SH3TC2: variants seen among roughly 807,000 people sequenced by gnomAD.
SH3TC2 encodes the protein SH3 domain and tetratricopeptide repeats 2.
A neutral mutation model predicts 124.5 loss-of-function variants in SH3TC2; 87 were observed. The ratio of observed to expected loss-of-function variants is 0.70; its 90% CI spans 0.59 to 0.84. The LOEUF (loss-of-function observed/expected upper bound fraction) is 0.84. Ranked by LOEUF, SH3TC2 falls within the 40% of genes least tolerant of loss-of-function variation. SH3TC2 has a pLI of 0.00. For missense variants in SH3TC2, 1,536 were observed against 1,566.4 expected (o/e 0.98, Z 0.33); for synonymous variants, 634 against 628.5 (o/e 1.01, Z -0.13).
Position 149,044,595 on chromosome 5 carries a change from T to C in SH3TC2, c.323A>G (p.Gln108Arg), listed in dbSNP as rs756857216. Residue 108 changes from glutamine (Q) to arginine (R), a missense_variant, in exon 4 of 17, where the codon CAG (glutamine) becomes CGG (arginine). Transcript: ENST00000515425. ...CATGGTCTTGAAGGTGATGAGAAAC[T>C]GGGCCCTCTGAGACTGGATACTGAC... ...RLVSIQSQRA[Q>R]FLITFKTMEE... 8.7e-6 allele frequency: 14 copies of C among 1,613,968 alleles called. No individual in the cohort carries two copies. In the Admixed American group the frequency reaches 2.2e-4, roughly 25 times the overall value.
At chr5:149,030,189 G>A (rs779705145) in intron 9 of SH3TC2, among the ~76,000 whole-genome samples, 8 of 152,168 alleles carry the variant, frequency 5.3e-5, no homozygotes, top group African/African-American at 2.4e-5. Context: ...TGAGTGATGC[G>A]CAAGTTACAA....
At chr5:149,062,313 G>C (rs776489843) in intron 1 of SH3TC2, 2 of 528,460 alleles carry the variant, frequency 3.8e-6, no homozygotes, top group Non-Finnish European at 7.8e-6. Context: ...AAGCAAGAAG[G>C]TTGCTTCAGG....
Position 149,027,072 on chromosome 5 carries a change from A to G in SH3TC2, c.2660T>C (p.Leu887Pro). ...VAMANLGHLS[L>P]KSWAQHPARN... Reference sequence around the variant, plus strand: ...GGCTGGATGCTGAGCCCAGGACTTAAGGCTCAGGTGGCCAAGATTGGCCAT... The same window carrying G: ...GGCTGGATGCTGAGCCCAGGACTTAGGGCTCAGGTGGCCAAGATTGGCCAT... Residue 887 changes from leucine to proline, a missense_variant, in exon 11 of 17, where the codon CTT (leucine) becomes CCT (proline). Coordinates refer to ENST00000515425, the MANE Select transcript of SH3TC2 (RefSeq NM_024577.4). The G allele has an allele frequency of 6.2e-7, 1 of 1,614,184 alleles. No individual in the cohort carries two copies. The highest frequency in any genetic ancestry group is 1.1e-5 in the South Asian group (1 of 91,086).
intron 12 of SH3TC2, among the ~76,000 whole-genome samples, chr5:149,017,807 A>G (rs1407453022): frequency 6.6e-6 from 1 of 152,258 alleles, no homozygotes; most frequent in Non-Finnish European, 1.5e-5. Context: ...CTGGGTGGAC[A>G]GAATACATAG....
At chr5:149,013,184 T>G (rs1015636728) in intron 12 of SH3TC2, among the ~76,000 whole-genome samples, 4 of 152,214 alleles carry the variant, frequency 2.6e-5, no homozygotes, top group Non-Finnish European at 4.4e-5. Context: ...AAATCTCATC[T>G]TGAATTGTAG....
At chr5:149,050,978 T>G (rs183567068) in intron 2 of SH3TC2, among the ~76,000 whole-genome samples, 1 of 152,288 alleles carries the variant, frequency 6.6e-6, no homozygotes, top group East Asian at 1.9e-4. Flanking sequence ...ATCAGCTAAA[T>G]GGAGATTTGG....
chr5:149,018,542 T>C (rs1240511302), intron 12 of SH3TC2, among the ~76,000 whole-genome samples: 2 of 152,136 alleles, frequency 1.3e-5, no homozygotes, highest in African/African-American at 2.4e-5. Flanking sequence ...TTTCCTGTTA[T>C]AAAACCATCA....
chr5:149,020,673 A>G (rs1486637631), intron 12 of SH3TC2, among the ~76,000 whole-genome samples: 1 of 152,212 alleles, frequency 6.6e-6, no homozygotes, highest in Non-Finnish European at 1.5e-5. Context: ...CTATGCTAAT[A>G]TCAGATAAAA....
At chr5:149,044,221 T>C (rs923371233) in intron 4 of SH3TC2, 18 of 356,414 alleles carry the variant, frequency 5.1e-5, no homozygotes, top group African/African-American at 3.8e-4. Context: ...TAGCACCAAG[T>C]TCACATCTAT....
Position 148,991,593 on chromosome 5 carries a change from C to A in SH3TC2, c.*13118G>T, listed in dbSNP as rs1753420514. On this transcript the variant is annotated 3_prime_UTR_variant, in exon 17 of 17. Coordinates refer to ENST00000515425, the MANE Select transcript of SH3TC2 (RefSeq NM_024577.4). ...CCAGTTCTTTTAGTGGTAGTAACAT[C>A]AAGTAGTCTCCAGACATTGCAGCTG... Among the ~76,000 whole-genome samples the A allele has an allele frequency of 6.6e-6, 1 of 152,184 alleles. No homozygotes were observed. Among genetic ancestry groups the A allele is most frequent in the African/African-American group, 2.4e-5 (1 of 41,430 alleles).
At chr5:149,009,124 T>C in intron 14 of SH3TC2, 123 bp from the exon 15 acceptor site, 1 of 1,132,712 alleles carries the variant, frequency 8.8e-7, no homozygotes, top group Non-Finnish European at 1.3e-6. Flanking sequence ...CAAAGGGGAG[T>C]CAGCCATGTT....
At chr5:149,040,824 T>C (rs1754356912) in intron 6 of SH3TC2, 147 bp from the exon 7 acceptor site, 3 of 765,016 alleles carry the variant, frequency 3.9e-6, no homozygotes, top group Non-Finnish European at 4.5e-6. Flanking sequence ...AGAACTTACT[T>C]TCTACCAGGA....
chr5:149,048,355 A>G (rs904403096), intron 2 of SH3TC2, among the ~76,000 whole-genome samples: 4 of 152,152 alleles, frequency 2.6e-5, no homozygotes, highest in Non-Finnish European at 5.9e-5. Flanking sequence ...TTTAGAATCA[A>G]TAGGACTTTA....
chr5:149,023,601 T>TTTTTTTTTTTTTTTTA (rs1754014057), intron 12 of SH3TC2, among the ~76,000 whole-genome samples: 2 of 107,906 alleles, frequency 1.9e-5, no homozygotes, highest in African/African-American at 3.3e-5. Flanking sequence ...TTTTTTTTTT[T>TTTTTTTTTTTTTTTTA]GAGAGACAGT....
At position 149,026,617 on chromosome 5, in the gene SH3TC2, A is replaced by T; in HGVS notation, c.3008T>A (p.Leu1003Gln). 1 of 1,614,210 alleles carries T rather than the reference A, an allele frequency of 6.2e-7. No homozygotes were observed. Among genetic ancestry groups the T allele is most frequent in the Non-Finnish European group, 8.5e-7 (1 of 1,180,036 alleles). ...QLRDREMEGRLLESLGQLYRN... is the reference protein window; with the variant it reads ...QLRDREMEGRQLESLGQLYRN... ...ATAAAGCTGCCCCAGGGACTCCAGC[A>T]GCCTCCCTTCCATCTCCCGGTCCCT... The change falls in exon 12 of 17, where the codon CTG becomes CAG. Residue 1003 changes from leucine (L) to glutamine (Q), a missense_variant. Transcript: ENST00000515425.
intron 1 of SH3TC2, among the ~76,000 whole-genome samples, chr5:149,060,227 A>G (rs754346583): frequency 3.9e-4 from 59 of 152,344 alleles, no homozygotes; most frequent in Middle Eastern, 3.4e-3. Flanking sequence ...AAGTTTTTTG[A>G]TCAACAAACT....
intron 1 of SH3TC2, among the ~76,000 whole-genome samples, chr5:149,060,285 A>T (rs549039463): frequency 6.6e-6 from 1 of 152,216 alleles, no homozygotes. Context: ...GTAGCTTATT[A>T]AGCAATGGCA....
rs115027318 is a variant in SH3TC2, at chr5:148,996,658, C to T, written c.*8053G>A. Among the ~76,000 whole-genome samples, 1,220 of 152,218 alleles carry T rather than the reference C, an allele frequency of 8.0e-3. 13 individuals are homozygous for T. The highest frequency in any genetic ancestry group is 0.026 in the African/African-American group (1,073 of 41,522). ...ATGTTCAAAGAATTCAGGGGCATTC[C>T]TATGAATGTCTCTATGAAGTAGATG... is the stretch of plus-strand genomic sequence containing the variant. On this transcript the variant is annotated 3_prime_UTR_variant, in exon 17 of 17. Coordinates refer to ENST00000515425, the MANE Select transcript of SH3TC2 (RefSeq NM_024577.4).
At chr5:149,036,771 C>T (rs1282789303) in intron 8 of SH3TC2, among the ~76,000 whole-genome samples, 1 of 152,168 alleles carries the variant, frequency 6.6e-6, no homozygotes, top group Non-Finnish European at 1.5e-5. Flanking sequence ...ATTGCCCAGC[C>T]TCCATCCAGA....
Sources: gnomAD v4.1 joint callset for allele counts (sites outside exome capture counted in the v4.1 genomes callset) on GRCh38, gnomAD v4.1.1 for gene constraint, MANE v1.5 for transcripts, NCBI Gene and HGNC (gene_info 2026-07-23, HGNC 2026-07-21) for gene names.